CCSER1: variants seen among roughly 807,000 people sequenced by gnomAD.
CCSER1 encodes serine-rich coiled-coil domain-containing protein 1.
Under a neutral mutation model 82.0 loss-of-function variants are expected in CCSER1, and 41 were observed. That is an observed-to-expected ratio of 0.50 (90% CI 0.39 to 0.65). The LOEUF is 0.65. Ranked by LOEUF, CCSER1 falls within the 30% of genes least tolerant of loss-of-function variation. The pLI, the probability that CCSER1 is intolerant of heterozygous loss-of-function variation, is 0.00. For missense variants in CCSER1, 1,119 were observed against 1,064.2 expected (o/e 1.05, Z -0.72); for synonymous variants, 414 against 383.9 (o/e 1.08, Z -0.92).
chr4:90,648,315 A>AAGAAAGAAAGAAAGAAAGAAAGAT, intron 6 of CCSER1, among the ~76,000 whole-genome samples: 1 of 151,488 alleles, frequency 6.6e-6, no homozygotes, highest in Non-Finnish European at 1.5e-5. Flanking sequence ...GAAAGAAAGA[A>AAGAAAGAAAGAAAGAAAGAAAGAT]AGAAAGAAAG....
chr4:91,492,507 C>T (rs1280681437), intron 10 of CCSER1, among the ~76,000 whole-genome samples: 5 of 152,066 alleles, frequency 3.3e-5, no homozygotes, highest in Non-Finnish European at 5.9e-5. Flanking sequence ...TGATACTCTG[C>T]AGTATATCCC....
At chr4:91,231,140 C>T (rs558328906) in intron 10 of CCSER1, among the ~76,000 whole-genome samples, 33 of 151,786 alleles carry the variant, frequency 2.2e-4, no homozygotes, top group African/African-American at 4.8e-4. Context: ...TAAATATATA[C>T]GCACGACGGT....
intron 8 of CCSER1, among the ~76,000 whole-genome samples, chr4:90,867,776 A>G (rs1230280661): frequency 3.3e-5 from 5 of 152,048 alleles, no homozygotes; most frequent in Admixed American, 3.3e-4. Context: ...TGGCTCCCAC[A>G]AATGAATGAG....
intron 10 of CCSER1, among the ~76,000 whole-genome samples, chr4:91,297,405 GTGTGT>G (rs1744296206): frequency 6.7e-6 from 1 of 149,960 alleles, no homozygotes; most frequent in Non-Finnish European, 1.5e-5. Flanking sequence ...GTGTGTGTGT[GTGTGT>G]GTGTGTGTGT....
At chr4:90,597,863 T>A (rs1214882803) in intron 5 of CCSER1, among the ~76,000 whole-genome samples, 2 of 152,136 alleles carry the variant, frequency 1.3e-5, no homozygotes, top group Non-Finnish European at 2.9e-5. Context: ...TGACCTTCAC[T>A]TTTTTAGATT....
intron 10 of CCSER1, among the ~76,000 whole-genome samples, chr4:91,115,857 A>T (rs199726811): frequency 0.011 from 759 of 70,432 alleles, 8 homozygotes; most frequent in East Asian, 0.017. Flanking sequence ...ATATATATAT[A>T]TATTTTTTTT....
intron 10 of CCSER1, among the ~76,000 whole-genome samples, chr4:91,532,692 C>T (rs940530253): frequency 6.9e-6 from 1 of 144,612 alleles, no homozygotes; most frequent in Non-Finnish European, 1.5e-5. Context: ...CATGATGAAA[C>T]CCATTCTCTA....
At chr4:90,316,964 A>G (rs1330816325) in intron 3 of CCSER1, among the ~76,000 whole-genome samples, 1 of 152,206 alleles carries the variant, frequency 6.6e-6, no homozygotes, top group Non-Finnish European at 1.5e-5. Flanking sequence ...ACCTCTTTAT[A>G]GTATTTTTCC....
chr4:90,634,535 G>C (rs1725081617), intron 6 of CCSER1, among the ~76,000 whole-genome samples: 1 of 151,550 alleles, frequency 6.6e-6, no homozygotes, highest in Non-Finnish European at 1.5e-5. Context: ...AATTTTTAAA[G>C]AGTTTATTTT....
chr4:90,537,985 T>C (rs1255295996), intron 5 of CCSER1, among the ~76,000 whole-genome samples: 2 of 152,194 alleles, frequency 1.3e-5, no homozygotes, highest in African/African-American at 4.8e-5. Flanking sequence ...TGTATCTCTT[T>C]AAATCATGTC....
chr4:91,002,295 G>C (rs1042888549), intron 9 of CCSER1, among the ~76,000 whole-genome samples: 2 of 152,182 alleles, frequency 1.3e-5, no homozygotes, highest in African/African-American at 4.8e-5. Flanking sequence ...TGGATGTCTA[G>C]GTCTCTGGCA....
chr4:90,313,111 C>T, intron 3 of CCSER1, 64 bp downstream of exon 3: 6 of 1,287,564 alleles, frequency 4.7e-6, no homozygotes, highest in Non-Finnish European at 6.6e-6. Context: ...ATGTTCATGT[C>T]TCTTGCAAAA....
At chr4:91,261,342 C>T (rs1741117165) in intron 10 of CCSER1, among the ~76,000 whole-genome samples, 1 of 152,180 alleles carries the variant, frequency 6.6e-6, no homozygotes, top group Admixed American at 6.5e-5. Context: ...AATTCCAAAT[C>T]TGTCACTTTT....
intron 5 of CCSER1, among the ~76,000 whole-genome samples, chr4:90,578,545 G>A (rs987719400): frequency 2.6e-5 from 4 of 152,032 alleles, no homozygotes; most frequent in African/African-American, 9.7e-5. Flanking sequence ...TTAGAGAATA[G>A]GCAAAAAATA....
intron 1 of CCSER1, among the ~76,000 whole-genome samples, chr4:90,230,769 A>G (rs1327108326): frequency 6.6e-6 from 1 of 152,064 alleles, no homozygotes; most frequent in Non-Finnish European, 1.5e-5. Context: ...AATAGACGCA[A>G]TAAAAAATGA....
chr4:90,558,700 T>G (rs1411407623), intron 5 of CCSER1, among the ~76,000 whole-genome samples: 1 of 152,146 alleles, frequency 6.6e-6, no homozygotes, highest in Non-Finnish European at 1.5e-5. Context: ...GTATTACCCT[T>G]GTATAACTTA....
chr4:90,422,360 A>C (rs1283632904), intron 4 of CCSER1, among the ~76,000 whole-genome samples: 1 of 152,158 alleles, frequency 6.6e-6, no homozygotes, highest in South Asian at 2.1e-4. Context: ...TTGGGAGGCT[A>C]GGCTGGAAAA....
At chr4:90,663,052 T>A (rs149296983) in intron 6 of CCSER1, among the ~76,000 whole-genome samples, 143 of 152,324 alleles carry the variant, frequency 9.4e-4, no homozygotes, top group Non-Finnish European at 1.5e-3. Flanking sequence ...GAAATTAAGA[T>A]AATCACCTTG....
intron 10 of CCSER1, among the ~76,000 whole-genome samples, chr4:91,276,611 C>T (rs1742473261): frequency 6.6e-6 from 1 of 151,948 alleles, no homozygotes; most frequent in Non-Finnish European, 1.5e-5. Flanking sequence ...ATTTTACTTC[C>T]ATTTTTTCAA....
Sources: allele counts gnomAD v4.1 joint callset (sites outside exome capture counted in the v4.1 genomes callset), GRCh38; gene constraint gnomAD v4.1.1; transcripts MANE v1.5; gene names NCBI Gene and HGNC (gene_info 2026-07-23, HGNC 2026-07-21).